SYTL5: variants seen among roughly 807,000 people sequenced by gnomAD.
SYTL5 encodes the protein synaptotagmin-like protein 5.
In SYTL5, 34 loss-of-function variants were observed where a neutral mutation model predicts 55.9. The observed-to-expected ratio is 0.61, with a 90% CI of 0.46 to 0.81. The LOEUF is 0.81. Among genes scored for constraint, SYTL5 ranks in the 30% least tolerant of loss-of-function variants. SYTL5 has a pLI of 0.00. For synonymous variants in SYTL5, 221 were observed against 188.7 expected, an observed-to-expected ratio of 1.17 and a Z score of -1.40; for missense variants, 637 against 546.7, an observed-to-expected ratio of 1.17 and a Z score of -1.65.
the SYTL5 span, among the ~76,000 whole-genome samples, chrX:37,900,014 C>A: frequency 8.9e-6 from 1 of 112,103 alleles, no homozygotes; most frequent in African/African-American, 3.2e-5. Flanking sequence ...TATTTGTTCT[C>A]TTAAGCATAA....
intron 1 of SYTL5, among the ~76,000 whole-genome samples, chrX:38,011,794 A>G (rs1215931770): frequency 1.8e-5 from 2 of 111,047 alleles, no homozygotes; most frequent in African/African-American, 6.5e-5. Flanking sequence ...TTCAGGCTCA[A>G]TTTTTGGAGT....
At chrX:38,114,870 C>T (rs1339376107) in intron 13 of SYTL5, among the ~76,000 whole-genome samples, 3 of 111,045 alleles carry the variant, frequency 2.7e-5, no homozygotes, top group Non-Finnish European at 3.8e-5. Flanking sequence ...CACCACTCTA[C>T]TCTCTGCTTC....
At chrX:38,011,058 T>C (rs187068971) in intron 1 of SYTL5, among the ~76,000 whole-genome samples, 62 of 112,089 alleles carry the variant, frequency 5.5e-4, no homozygotes, top group Middle Eastern at 9.1e-3. Context: ...CTGAGTGCTA[T>C]CATATCAGCA....
In SYTL5 at chrX:38,016,425, T is replaced by C. The variant is rs187372536; in HGVS notation, c.-357+9757T>C. Among the ~76,000 whole-genome samples, 76 of 111,900 alleles carry C rather than the reference T, an allele frequency of 6.8e-4. No homozygotes were observed. The East Asian group carries it at 0.017, about 25-fold the overall frequency. ...GACATGACATTATCAATCAGACTTA[T>C]AGGAATCCTAACCAAGTATGAGGGG... On this transcript the variant is annotated intron_variant, in intron 1 of 16. Transcript: ENST00000297875.
At chrX:38,077,377 T>G (rs1381858988) in intron 6 of SYTL5, among the ~76,000 whole-genome samples, 1 of 111,933 alleles carries the variant, frequency 8.9e-6, no homozygotes, top group Non-Finnish European at 1.9e-5. Context: ...CATATTTCAC[T>G]GGTTTGTCCA....
intron 13 of SYTL5, among the ~76,000 whole-genome samples, chrX:38,113,821 A>G (rs1937419114): frequency 9.0e-6 from 1 of 111,591 alleles, no homozygotes; most frequent in Non-Finnish European, 1.9e-5. Flanking sequence ...GCAGGCCAGA[A>G]AAGCCAACAT....
chrX:37,972,028 C>T, the SYTL5 span, among the ~76,000 whole-genome samples: 1 of 109,576 alleles, frequency 9.1e-6, no homozygotes, highest in Non-Finnish European at 1.9e-5. Flanking sequence ...CAATTCTATG[C>T]GTTTCCTGGA....
intron 11 of SYTL5, among the ~76,000 whole-genome samples, chrX:38,107,304 G>A (rs1331368198): frequency 2.7e-5 from 3 of 111,665 alleles, no homozygotes. Context: ...TCTGCACGCA[G>A]TTATAATCAG....
intron 1 of SYTL5, among the ~76,000 whole-genome samples, chrX:38,025,567 G>A (rs1025833957): frequency 8.9e-6 from 1 of 111,908 alleles, no homozygotes; most frequent in Non-Finnish European, 1.9e-5. Flanking sequence ...GCTTAGCATA[G>A]TTCAACAAAG....
At chrX:38,020,601 G>A (rs886363573) in intron 1 of SYTL5, among the ~76,000 whole-genome samples, 2 of 108,023 alleles carry the variant, frequency 1.9e-5, no homozygotes, top group Admixed American at 2.0e-4. Flanking sequence ...AAATTATGAT[G>A]TTTCTAAGGA....
chrX:37,991,094 G>T, the SYTL5 span: 31 of 1,209,496 alleles, frequency 2.6e-5, no homozygotes, highest in African/African-American at 4.7e-4. Flanking sequence ...CACAAGATAG[G>T]GAGAGAGAAG....
intron 13 of SYTL5, among the ~76,000 whole-genome samples, chrX:38,117,137 T>C (rs1234542952): frequency 8.9e-6 from 1 of 112,176 alleles, no homozygotes; most frequent in Non-Finnish European, 1.9e-5. Flanking sequence ...AATGGTGGTA[T>C]GCCAGGAGAG....
chrX:38,005,293 C>A (rs1429340259), upstream of SYTL5, among the ~76,000 whole-genome samples: 1 of 111,245 alleles, frequency 9.0e-6, no homozygotes, highest in African/African-American at 3.3e-5. Context: ...TATATGATCC[C>A]CATTGTCCAA....
At chrX:37,956,159 A>G in the SYTL5 span, among the ~76,000 whole-genome samples, 1 of 112,204 alleles carries the variant, frequency 8.9e-6, no homozygotes, top group African/African-American at 3.2e-5. Context: ...CTACATCTAT[A>G]CTTGTACTTC....
the SYTL5 span, chrX:37,991,398 C>A: frequency 1.5e-6 from 1 of 671,117 alleles, no homozygotes; most frequent in South Asian, 3.3e-5. Context: ...CCCCAGAGAG[C>A]TGAAGGCGGG....
chrX:38,125,715 A>T (rs1442727818), intron 16 of SYTL5, among the ~76,000 whole-genome samples: 1 of 112,439 alleles, frequency 8.9e-6, no homozygotes, highest in Admixed American at 9.4e-5. Context: ...AGGCTAGAAG[A>T]TTGGAAGATA....
intron 9 of SYTL5, among the ~76,000 whole-genome samples, chrX:38,099,722 G>A (rs1937036121): frequency 9.0e-6 from 1 of 111,200 alleles, no homozygotes; most frequent in African/African-American, 3.3e-5. Flanking sequence ...AGCTTCTCAT[G>A]TATGGTTTTA....
chrX:37,950,234 A>G, the SYTL5 span, among the ~76,000 whole-genome samples: 1 of 111,188 alleles, frequency 9.0e-6, no homozygotes, highest in African/African-American at 3.3e-5. Flanking sequence ...TTGCTCTTAG[A>G]TATGGTATAT....
At chrX:38,003,283 G>C (rs1412676619), upstream of SYTL5, among the ~76,000 whole-genome samples, 3 of 111,744 alleles carry the variant, frequency 2.7e-5, no homozygotes, top group Non-Finnish European at 1.9e-5. Flanking sequence ...TTGTAGTATA[G>C]TTTGAAGTCA....
Sources: allele counts gnomAD v4.1 joint callset (sites outside exome capture counted in the v4.1 genomes callset), GRCh38; gene constraint gnomAD v4.1.1; transcripts MANE v1.5; gene names NCBI Gene and HGNC (gene_info 2026-07-23, HGNC 2026-07-21).